ETV6: variants seen among roughly 807,000 people sequenced by gnomAD.
ETV6 encodes ETS variant transcription factor 6, also known as transcription factor ETV6.
Under a neutral mutation model 51.1 loss-of-function variants are expected in ETV6, and 16 were observed. The ratio of observed to expected loss-of-function variants is 0.31; its 90% CI spans 0.21 to 0.48. The LOEUF is 0.48. Ranked by LOEUF, ETV6 falls within the 20% of genes least tolerant of loss-of-function variation. The probability of loss-of-function intolerance (pLI) is 0.99; values close to 1 mark genes in which losing one functional copy is unlikely to be tolerated. For synonymous variants in ETV6, 240 were observed against 224.1 expected (o/e 1.07, Z -0.64); for missense variants, 458 against 594.8 (o/e 0.77, Z 2.39).
rs569677445 is a variant in ETV6, at chr12:11,663,995, T to G, written c.33+13835T>G. ...ACACTCTTAAGTATTTAATAGCTGC[T>G]TTAAGGATTTGTGCCTTAGTGTACT... On this transcript the variant is annotated intron_variant, in intron 1 of 7. Transcript: ENST00000396373. 7.9e-5 allele frequency among the ~76,000 whole-genome samples: 12 copies of G among 152,248 alleles called. 1 individual carries two copies. The highest frequency in any genetic ancestry group is 5.2e-4 in the Admixed American group (8 of 15,286).
At chr12:11,760,393 T>C (rs1395248034) in intron 2 of ETV6, among the ~76,000 whole-genome samples, 5 of 152,186 alleles carry the variant, frequency 3.3e-5, no homozygotes, top group Admixed American at 3.3e-4. Flanking sequence ...GACGATTGGA[T>C]ACCTAGAAGG....
At chr12:11,721,580 G>T (rs1331193415) in intron 1 of ETV6, among the ~76,000 whole-genome samples, 3 of 152,196 alleles carry the variant, frequency 2.0e-5, no homozygotes, top group Non-Finnish European at 4.4e-5. Context: ...CTACTAGAGG[G>T]AGGAGCGGGA....
intron 1 of ETV6, among the ~76,000 whole-genome samples, chr12:11,675,369 AT>A (rs1864403742): frequency 6.6e-6 from 1 of 152,242 alleles, no homozygotes; most frequent in South Asian, 2.1e-4. Flanking sequence ...AGTATTACCT[AT>A]CACTGAGCAA....
At position 11,813,065 on chromosome 12, in the gene ETV6, C is replaced by CTG. The variant is rs1945938431; in HGVS notation, c.164-26070_164-26069dup. Among the ~76,000 whole-genome samples, 7 of 152,342 alleles carry CTG rather than the reference C, an allele frequency of 4.6e-5. No individual in the cohort carries two copies. In the South Asian group the frequency reaches 1.4e-3, roughly 32 times the overall value. On this transcript the variant is annotated intron_variant, in intron 2 of 7. Coordinates refer to ENST00000396373, the MANE Select transcript of ETV6 (RefSeq NM_001987.5). ...AGTTCGCCGGGATGTCTATGCTGTG[C>CTG]TGTGTGGCTACTTAGCCAAGGCTGT...
At position 11,895,289 on chromosome 12, in the gene ETV6, G is replaced by GA. The variant is rs71057779; in HGVS notation, c.*4253dup. ...TGAATCAAATGAATGTAACAAAAAA[G>GA]AAAAAAAAAACAAAAAAAAATGCCT... On this transcript the variant is annotated 3_prime_UTR_variant, in exon 8 of 8. Transcript: ENST00000396373. The GA allele has an allele frequency of 0.054, 9,808 of 183,158 alleles. 164 individuals carry two copies. Among genetic ancestry groups the GA allele is most frequent in the Middle Eastern group, 0.065 (38 of 584 alleles). 11.3% of individuals were successfully genotyped at this position (183,158 alleles called of 1,614,324 possible).
rs201259889 is a variant in ETV6 at position 11,895,289 on chromosome 12, G to C, written c.*4243G>C. 7 of 187,088 alleles carry C rather than the reference G, an allele frequency of 3.7e-5. No homozygotes were observed. The highest frequency in any genetic ancestry group is 2.2e-4 in the South Asian group (1 of 4,550). 11.6% of individuals were successfully genotyped at this position (187,088 alleles called of 1,614,324 possible). A position where few individuals can be genotyped will look rare whatever the true frequency, so the allele number is the denominator to read the frequency against. On this transcript the variant is annotated 3_prime_UTR_variant, in exon 8 of 8. Coordinates refer to ENST00000396373, the MANE Select transcript of ETV6 (RefSeq NM_001987.5). ...TGAATCAAATGAATGTAACAAAAAA[G>C]AAAAAAAAAACAAAAAAAAATGCCT...
At chr12:11,820,249 T>G (rs1261447641) in intron 2 of ETV6, among the ~76,000 whole-genome samples, 1 of 152,152 alleles carries the variant, frequency 6.6e-6, no homozygotes, top group East Asian at 1.9e-4. Context: ...CTTAGCACCA[T>G]GCTGCACTGT....
At chr12:11,821,717 G>C (rs773777752) in intron 2 of ETV6, among the ~76,000 whole-genome samples, 2 of 152,106 alleles carry the variant, frequency 1.3e-5, no homozygotes, top group Non-Finnish European at 2.9e-5. Flanking sequence ...TGGCTCACTT[G>C]TAGTCCTAAC....
chr12:11,760,441 A>G (rs1214459286), intron 2 of ETV6, among the ~76,000 whole-genome samples: 2 of 152,138 alleles, frequency 1.3e-5, no homozygotes, highest in Non-Finnish European at 2.9e-5. Flanking sequence ...TGAATACCCT[A>G]TTTTACCAGG....
intron 3 of ETV6, among the ~76,000 whole-genome samples, chr12:11,845,842 A>G (rs73277163): frequency 0.033 from 5,057 of 152,164 alleles, 141 homozygotes; most frequent in African/African-American, 0.078. Context: ...AATGCAAAAA[A>G]TCAGCCGGGC....
At chr12:11,788,356 C>G (rs1007254432) in intron 2 of ETV6, among the ~76,000 whole-genome samples, 1 of 152,022 alleles carries the variant, frequency 6.6e-6, no homozygotes, top group Non-Finnish European at 1.5e-5. Flanking sequence ...TGTAACCAAA[C>G]GCAGCAATTC....
intron 1 of ETV6, among the ~76,000 whole-genome samples, chr12:11,738,202 C>CTCCTTCCT (rs765496311): frequency 6.7e-6 from 1 of 148,224 alleles, no homozygotes; most frequent in Non-Finnish European, 1.5e-5. Context: ...TGCTTGCTTT[C>CTCCTTCCT]TCCTTCCTTC....
chr12:11,857,437 C>A (rs536310255), intron 4 of ETV6, among the ~76,000 whole-genome samples: 1 of 152,308 alleles, frequency 6.6e-6, no homozygotes, highest in East Asian at 1.9e-4. Flanking sequence ...GAAATCACAT[C>A]ATGGCTTGAG....
chr12:11,668,571 A>G (rs1199397740), intron 1 of ETV6, among the ~76,000 whole-genome samples: 2 of 152,246 alleles, frequency 1.3e-5, no homozygotes, highest in Non-Finnish European at 2.9e-5. Context: ...AAGACAGCAC[A>G]GACGCCAAGG....
intron 2 of ETV6, among the ~76,000 whole-genome samples, chr12:11,771,145 C>T (rs375075944): frequency 1.6e-4 from 24 of 152,336 alleles, no homozygotes; most frequent in East Asian, 1.3e-3. Context: ...CATTTTACAG[C>T]TTACCGTGAT....
At chr12:11,725,834 G>A (rs887630457) in intron 1 of ETV6, among the ~76,000 whole-genome samples, 3 of 152,128 alleles carry the variant, frequency 2.0e-5, no homozygotes, top group Admixed American at 6.5e-5. Context: ...ACGCCGGCTC[G>A]CCTCACTTTC....
intron 7 of ETV6, among the ~76,000 whole-genome samples, chr12:11,887,640 C>T (rs148707194): frequency 0.092 from 13,864 of 151,194 alleles, 746 homozygotes; most frequent in African/African-American, 0.13. Context: ...CCCAGCTACT[C>T]GGGAGGCTGA....
intron 2 of ETV6, among the ~76,000 whole-genome samples, chr12:11,775,892 GT>G (rs1308635395): frequency 2.6e-5 from 4 of 152,208 alleles, no homozygotes; most frequent in Non-Finnish European, 5.9e-5. Flanking sequence ...GTGCTGATCT[GT>G]TTTTGTTTCA....
At chr12:11,669,417 C>CCTTCCTTT (rs1025516454) in intron 1 of ETV6, among the ~76,000 whole-genome samples, 9 of 146,462 alleles carry the variant, frequency 6.1e-5, no homozygotes, top group Admixed American at 3.4e-4. Flanking sequence ...CTCCCTTCCT[C>CCTTCCTTT]CTTCCTTTCT....
Sources: allele counts gnomAD v4.1 joint callset (sites outside exome capture counted in the v4.1 genomes callset), GRCh38; gene constraint gnomAD v4.1.1; transcripts MANE v1.5; gene names NCBI Gene and HGNC (gene_info 2026-07-23, HGNC 2026-07-21).